Variants in WAS observed in about 807,000 individuals in gnomAD.
WAS encodes the protein actin nucleation-promoting factor WAS.
Under a neutral mutation model 38.9 loss-of-function variants are expected in WAS, and 1 was observed. The ratio of observed to expected loss-of-function variants is 0.03; its 90% CI spans 0.01 to 0.12. The LOEUF (loss-of-function observed/expected upper bound fraction) is 0.12, where lower values mean the gene tolerates loss of function less well. Among genes scored for constraint, WAS ranks in the 10% least tolerant of loss-of-function variants. WAS has a pLI of 1.00. For synonymous variants in WAS, 182 were observed against 173.6 expected, an observed-to-expected ratio of 1.05 and a Z score of -0.38; for missense variants, 311 against 431.2, an observed-to-expected ratio of 0.72 and a Z score of 2.47.
rs190812497 is a variant in WAS at position 48,678,662 on chromosome X, A to C, written c.-131+1914A>C. On this transcript the variant is annotated intron_variant, in intron 1 of 8. Transcript: ENST00000450772. ...TTAGACCAACTCTCCTGCTGAGAGC[A>C]ACCAGAAAAGCTGGATTAAAGTTCC... 3.2e-3 allele frequency among the ~76,000 whole-genome samples: 350 copies of C among 111,039 alleles called. 1 individual carries two copies. Among genetic ancestry groups the C allele is most frequent in the Non-Finnish European group, 3.4e-3 (179 of 53,007 alleles).
At chrX:48,681,141 A>T (rs1427328817), upstream of WAS, among the ~76,000 whole-genome samples, 5 of 111,895 alleles carry the variant, frequency 4.5e-5, no homozygotes, top group Admixed American at 3.8e-4. Flanking sequence ...CTTCCCAGTC[A>T]GTACAATGGG....
At chrX:48,689,816 G>A (rs1163151267) in intron 11 of WAS, among the ~76,000 whole-genome samples, 1 of 108,823 alleles carries the variant, frequency 9.2e-6, no homozygotes, top group Non-Finnish European at 1.9e-5. Flanking sequence ...GCAATATAGT[G>A]AGACCTCGTT....
chrX:48,688,758 C>G lies in WAS; in HGVS notation c.1030C>G (p.Pro344Ala). 1 of 1,164,210 alleles carries G rather than the reference C, an allele frequency of 8.6e-7. No homozygotes were observed. The change falls in exon 10 of 12, where the codon CCT (proline) becomes GCT (alanine). Residue 344 changes from proline to alanine, a missense_variant. Transcript: ENST00000376701. Reference sequence around the variant, plus strand: ...CAAGGGTCGTTCTGGTCCACTGCCCCCTGTACCTTTGGGGATTGCCCCACC... The same window carrying G: ...CAAGGGTCGTTCTGGTCCACTGCCCGCTGTACCTTTGGGGATTGCCCCACC... Reference protein sequence around the residue: ...GNKGRSGPLPPVPLGIAPPPP... With the variant: ...GNKGRSGPLPAVPLGIAPPPP...
rs781893580 is a variant in WAS, at chrX:48,684,439, C to T, written c.273+16C>T. ...CGGCCTTCAGGTGACCCCCCCACCC[C>T]CGACTGGACTTGCAAGCCAGTTCTC... On this transcript the variant is annotated intron_variant, in intron 2 of 11. Coordinates refer to ENST00000376701, the MANE Select transcript of WAS (RefSeq NM_000377.3). The T allele has an allele frequency of 8.3e-7, 1 of 1,201,632 alleles. No individual in the cohort carries two copies. Among genetic ancestry groups the T allele is most frequent in the Admixed American group, 2.2e-5 (1 of 44,967 alleles).
chrX:48,678,585 G>A (rs1009214305), intron 1 of WAS, among the ~76,000 whole-genome samples: 4 of 111,904 alleles, frequency 3.6e-5, no homozygotes, highest in African/African-American at 1.3e-4. Context: ...CCTGGTGTTT[G>A]CTGTATTACT....
Position 48,691,147 on chromosome X carries a change from T to C in WAS, c.1494T>C (p.Asp498=). The C allele has an allele frequency of 8.3e-7, 1 of 1,210,616 alleles. No homozygotes were observed. ...EDQAGDEDED[D]EWDD ...AGGCTGGCGATGAAGATGAAGATGA[T>C]GAATGGGATGACTGAGTGGCTGAGT... is the stretch of plus-strand genomic sequence containing the variant. The change falls in exon 12 of 12, where the codon GAT becomes GAC. Residue 498 remains aspartate, a synonymous_variant. Transcript: ENST00000376701.
In WAS at chrX:48,688,069, G is replaced by A. The variant is rs2062425820; in HGVS notation, c.750G>A (p.Val250=). 8.3e-7 allele frequency: 1 copy of A among 1,207,499 alleles called. No homozygotes were observed. The highest frequency in any genetic ancestry group is 1.1e-6 in the Non-Finnish European group (1 of 893,379). Residue 250 remains valine, a synonymous_variant, in exon 8 of 12, where the codon GTG becomes GTA. Coordinates refer to ENST00000376701, the MANE Select transcript of WAS (RefSeq NM_000377.3). ...CCTCTCCCAGGCATGTCAGCCACGT[G>A]GGGTGGGACCCCCAGAATGGATTTG... The part of the protein sequence containing the change: ...APSGFKHVSH[V]GWDPQNGFDV...
At position 48,688,993 on chromosome X, in the gene WAS, C is replaced by G. The variant is rs1557007309; in HGVS notation, c.1265C>G (p.Ala422Gly). 1 of 1,198,090 alleles carries G rather than the reference C, an allele frequency of 8.3e-7. No homozygotes were observed. Among genetic ancestry groups the G allele is most frequent in the Admixed American group, 2.2e-5 (1 of 44,488 alleles). The change falls in exon 10 of 12, where the codon GCC becomes GGC. Residue 422 changes from alanine to glycine, a missense_variant. Ala to Gly is a moderately conservative substitution (Grantham distance 60, BLOSUM62 0). This residue lies in a region of WAS where 142 missense variants were observed against 157.6 expected (regional missense o/e 0.90). Coordinates refer to ENST00000376701, the MANE Select transcript of WAS (RefSeq NM_000377.3). ...PPPLPPALVP[A>G]GGLAPGGGRG... is the part of the protein sequence containing the mutation. ...CCACTCCCTCCTGCTCTGGTGCCTG[C>G]CGGGGGCCTGGCCCCTGGTGGGGGT...
chrX:48,677,581 G>A (rs1432628681), intron 1 of WAS, among the ~76,000 whole-genome samples: 1 of 112,045 alleles, frequency 8.9e-6, no homozygotes, highest in African/African-American at 3.2e-5. Flanking sequence ...CAGCTGAGAA[G>A]CGCCAGGGCC....
At chrX:48,681,988 C>A (rs1392898463), upstream of WAS, among the ~76,000 whole-genome samples, 3 of 112,187 alleles carry the variant, frequency 2.7e-5, no homozygotes, top group African/African-American at 9.7e-5. Context: ...TATCTGAGAG[C>A]TTCAAGTCTC....
At chrX:48,677,313 A>G (rs1348667139) in intron 1 of WAS, among the ~76,000 whole-genome samples, 1 of 110,858 alleles carries the variant, frequency 9.0e-6, no homozygotes, top group African/African-American at 3.3e-5. Flanking sequence ...GGAACCTGGA[A>G]GCCTGAGGGA....
upstream of WAS, among the ~76,000 whole-genome samples, chrX:48,682,323 G>A (rs2062403021): frequency 8.9e-6 from 1 of 112,070 alleles, no homozygotes; most frequent in African/African-American, 3.2e-5. Flanking sequence ...TACCACTATA[G>A]GCAAACAGGA....
upstream of WAS, among the ~76,000 whole-genome samples, chrX:48,679,679 G>A (rs782239572): frequency 3.5e-4 from 39 of 111,468 alleles, no homozygotes; most frequent in South Asian, 3.4e-3. Flanking sequence ...AGCTACTTGA[G>A]AGGCTAAGGC....
chrX:48,688,054 G>T lies in WAS; in HGVS notation c.735G>T (p.Lys245Asn). The change falls in exon 8 of 12, where the codon AAG becomes AAT. Residue 245 changes from lysine to asparagine, a missense_variant and splice_region_variant. Coordinates refer to ENST00000376701, the MANE Select transcript of WAS (RefSeq NM_000377.3). ...KADIGAPSGF[K>N]HVSHVGWDPQ... Reference sequence around the variant, plus strand: ...ACTGGAGTCTCTTCACCTCTCCCAGGCATGTCAGCCACGTGGGGTGGGACC... The same window carrying T: ...ACTGGAGTCTCTTCACCTCTCCCAGTCATGTCAGCCACGTGGGGTGGGACC... 1 of 1,206,979 alleles carries T rather than the reference G, an allele frequency of 8.3e-7. No individual in the cohort carries two copies. The highest frequency in any genetic ancestry group is 1.1e-6 in the Non-Finnish European group (1 of 893,011).
At chrX:48,688,232 A>C in intron 8 of WAS, 68 bp from the exon 9 acceptor site, 3 of 1,166,560 alleles carry the variant, frequency 2.6e-6, no homozygotes, top group Non-Finnish European at 3.4e-6. Flanking sequence ...ACCCAACGAC[A>C]ATCCATGTCG....
chrX:48,680,464 G>T (rs782060764), upstream of WAS, among the ~76,000 whole-genome samples: 20 of 111,341 alleles, frequency 1.8e-4, no homozygotes, highest in Non-Finnish European at 3.4e-4. Flanking sequence ...GTCAGCACAA[G>T]ATACAGGTCA....
chrX:48,689,829 C>T (rs2062434155), intron 11 of WAS, among the ~76,000 whole-genome samples: 1 of 108,058 alleles, frequency 9.3e-6, no homozygotes, highest in Admixed American at 1.0e-4. Context: ...ACCTCGTTTC[C>T]ATAAAAACTA....
At chrX:48,686,674 C>T (rs1185181543) in intron 6 of WAS, 107 bp from the exon 7 acceptor site, 4 of 973,242 alleles carry the variant, frequency 4.1e-6, no homozygotes, top group Non-Finnish European at 4.3e-6. Flanking sequence ...ACCTCCATGA[C>T]CATCCAACAC....
At chrX:48,678,868 G>A (rs1557005459), upstream of WAS, among the ~76,000 whole-genome samples, 1 of 110,661 alleles carries the variant, frequency 9.0e-6, no homozygotes, top group Non-Finnish European at 1.9e-5. Flanking sequence ...ACATATAAAC[G>A]TAATAAACCA....
Sources: gnomAD v4.1 joint callset for allele counts (sites outside exome capture counted in the v4.1 genomes callset) on GRCh38, gnomAD v4.1.1 for gene constraint, gnomAD v4.1.1 regional missense constraint, MANE v1.5 for transcripts, NCBI Gene and HGNC (gene_info 2026-07-23, HGNC 2026-07-21) for gene names.